Variants in PYCR2 observed in about 807,000 individuals in gnomAD.
PYCR2 encodes the protein P5C reductase 2.
PYCR2 carries 17 observed loss-of-function variants against 23.4 expected under a neutral mutation model. The ratio of observed to expected loss-of-function variants is 0.73; its 90% CI spans 0.50 to 1.09. The LOEUF is 1.09. Among genes scored for constraint, PYCR2 ranks in the 50% least tolerant of loss-of-function variants. The pLI is 0.00. For synonymous variants in PYCR2, 172 were observed against 176.6 expected, an observed-to-expected ratio of 0.97 and a Z score of 0.21; for missense variants, 380 against 423.5, an observed-to-expected ratio of 0.90 and a Z score of 0.90.
intron 2 of PYCR2, 70 bp from the exon 3 acceptor site, chr1:225,922,453 C>A: frequency 6.5e-7 from 1 of 1,528,680 alleles, no homozygotes; most frequent in Non-Finnish European, 8.9e-7. Flanking sequence ...CAGGGAGCAG[C>A]TGAACCCCTG....
At chr1:225,922,419 C>A (rs1671867711) in intron 2 of PYCR2, 36 bp from the exon 3 acceptor site, 1 of 1,586,926 alleles carries the variant, frequency 6.3e-7, no homozygotes. Context: ...AGTGCTGGAG[C>A]AGCCTGGCTA....
Position 225,924,122 on chromosome 1 carries a change from CACGCCTCCTGGG to C in PYCR2, c.-24_-13del. ...AAGCCCACGCTCATGGTCCGCGGTT[CACGCCTCCTGGG>C]AGCCGCACGAACCCCCTCAGCGAGG... On this transcript the variant is annotated 5_prime_UTR_variant, in exon 1 of 7. Transcript: ENST00000343818. 6.5e-7 allele frequency: 1 copy of C among 1,540,852 alleles called. No homozygotes were observed. The highest frequency in any genetic ancestry group is 8.7e-7 in the Non-Finnish European group (1 of 1,145,880).
At chr1:225,922,451 A>AGCT in intron 2 of PYCR2, 68 bp from the exon 3 acceptor site, 1 of 1,539,042 alleles carries the variant, frequency 6.5e-7, no homozygotes, top group Non-Finnish European at 8.8e-7. Flanking sequence ...CCCAGGGAGC[A>AGCT]GCTGAACCCC....
chr1:225,923,906 C>G, intron 1 of PYCR2, 135 bp from the exon 2 acceptor site: 3 of 1,473,326 alleles, frequency 2.0e-6, no homozygotes, highest in Non-Finnish European at 2.8e-6. Context: ...GGACAGAAGA[C>G]GCACTTGCTG....
rs752074984 is a variant in PYCR2, at chr1:225,922,326, G to A, written c.196C>T (p.Leu66=). ...ATATGTGGCTTCACAGCCAGAAACA[G>A]GACGTCGCTGTGCTTCACCGTCTCC... The part of the protein sequence containing the change: ...NKETVKHSDV[L]FLAVKPHIIP... Residue 66 remains leucine, a synonymous_variant, in exon 3 of 7, where the codon CTG becomes TTG. Coordinates refer to ENST00000343818, the MANE Select transcript of PYCR2 (RefSeq NM_013328.4). 4 of 1,614,196 alleles carry A rather than the reference G, an allele frequency of 2.5e-6. 1 individual carries two copies. The highest frequency in any genetic ancestry group is 3.4e-6 in the Non-Finnish European group (4 of 1,180,026).
intron 1 of PYCR2, 76 bp from the exon 2 acceptor site, chr1:225,923,847 G>C: frequency 6.3e-7 from 1 of 1,597,450 alleles, no homozygotes; most frequent in Non-Finnish European, 8.5e-7. Flanking sequence ...CTAAAACCCA[G>C]AGCCGTCCTA....
chr1:225,921,420 A>T lies in PYCR2; in HGVS notation c.634-49T>A. 1 of 1,523,300 alleles carries T rather than the reference A, an allele frequency of 6.6e-7. No homozygotes were observed. The highest frequency in any genetic ancestry group is 9.1e-7 in the Non-Finnish European group (1 of 1,104,402). 94.4% of individuals were successfully genotyped at this position (1,523,300 alleles called of 1,614,324 possible). A position where few individuals can be genotyped will look rare whatever the true frequency, so the allele number is the denominator to read the frequency against. Reference sequence around the variant, plus strand: ...GAAAGTTGCTGGTGTGCGTTGGAACAGGCTTCCCATACCCACTGCTCCTGC... The same window carrying T: ...GAAAGTTGCTGGTGTGCGTTGGAACTGGCTTCCCATACCCACTGCTCCTGC... On this transcript the variant is annotated intron_variant, in intron 5 of 6. Coordinates refer to ENST00000343818, the MANE Select transcript of PYCR2 (RefSeq NM_013328.4). The surrounding 1 kb of genome is among the most constrained non-coding windows in gnomAD (Gnocchi z 4.2).
chr1:225,923,666 T>A, intron 2 of PYCR2, 35 bp downstream of exon 2: 1 of 1,613,404 alleles, frequency 6.2e-7, no homozygotes, highest in South Asian at 1.1e-5. Flanking sequence ...TTCCTGGGCC[T>A]CCACCCGCTT....
chr1:225,920,531 G>C lies in PYCR2; in HGVS notation c.887C>G (p.Thr296Arg). 5.7e-6 allele frequency: 9 copies of C among 1,578,494 alleles called. No individual in the cohort carries two copies. The highest frequency in any genetic ancestry group is 7.8e-6 in the Non-Finnish European group (9 of 1,149,104). Residue 296 changes from threonine (T) to arginine (R), a missense_variant, in exon 7 of 7, where the codon ACA becomes AGA. Physicochemically the swap from Thr to Arg is moderately conservative, Grantham distance 71. Coordinates refer to ENST00000343818, the MANE Select transcript of PYCR2 (RefSeq NM_013328.4). ...GCTGGAGGGGGTCAGTGTGGAGACT[G>C]TGGGGGATTCCAGCTTCACTCTGTC... The part of the protein sequence containing the change: ...LLDRVKLESP[T>R]VSTLTPSSPG...
rs200663855 is a variant in PYCR2 at position 225,921,983 on chromosome 1, T to G, written c.415A>C (p.Thr139Pro). 6.2e-7 allele frequency: 1 copy of G among 1,614,156 alleles called. No homozygotes were observed. Among genetic ancestry groups the G allele is most frequent in the Non-Finnish European group, 8.5e-7 (1 of 1,180,006 alleles). ...TGCCCATCCTCCACCAGGGCATGGGTGCCCGTGGCGTACACTGTAGCGCCT... is the reference window on the plus strand; with the variant it reads ...TGCCCATCCTCCACCAGGGCATGGGGGCCCGTGGCGTACACTGTAGCGCCT... ...QEGATVYATGTHALVEDGQLL... is the reference protein window; with the variant it reads ...QEGATVYATGPHALVEDGQLL... Residue 139 changes from threonine to proline, a missense_variant, in exon 4 of 7, where the codon ACC becomes CCC. Coordinates refer to ENST00000343818, the MANE Select transcript of PYCR2 (RefSeq NM_013328.4). The surrounding 1 kb of genome is among the most constrained non-coding windows in gnomAD (Gnocchi z 4.2).
At position 225,922,003 on chromosome 1, in the gene PYCR2, G is replaced by T; in HGVS notation, c.395C>A (p.Ala132Asp). 3 of 1,614,190 alleles carry T rather than the reference G, an allele frequency of 1.9e-6. No individual in the cohort carries two copies. The highest frequency in any genetic ancestry group is 2.5e-6 in the Non-Finnish European group (3 of 1,180,026). ...TNTPVVVQEG[A>D]TVYATGTHAL... ...ATGGGTGCCCGTGGCGTACACTGTAGCGCCTTCCTGCACTACCACAGGTGT... is the reference window on the plus strand; with the variant it reads ...ATGGGTGCCCGTGGCGTACACTGTATCGCCTTCCTGCACTACCACAGGTGT... Residue 132 changes from alanine (A) to aspartate (D), a missense_variant, in exon 4 of 7, where the codon GCT becomes GAT. By Grantham distance (126) the Ala-to-Asp change is moderately radical. Transcript: ENST00000343818.
chr1:225,924,236 A>C lies in PYCR2; in HGVS notation c.-126T>G. 9.0e-7 allele frequency: 1 copy of C among 1,113,372 alleles called. No homozygotes were observed. Among genetic ancestry groups the C allele is most frequent in the Non-Finnish European group, 1.2e-6 (1 of 802,224 alleles). 69.0% of individuals were successfully genotyped at this position (1,113,372 alleles called of 1,614,324 possible). On this transcript the variant is annotated 5_prime_UTR_variant, in exon 1 of 7. Transcript: ENST00000343818. ...GCGTGCCGAGGACCGGCGAGCTAAC[A>C]GCAGCTTCTGGGATGGTGCAACCCT...
chr1:225,920,265 G>A lies in PYCR2; in HGVS notation c.*190C>T, dbSNP rs1294979382. 1.3e-4 allele frequency: 59 copies of A among 456,046 alleles called. No homozygotes were observed. In the East Asian group the frequency reaches 2.2e-3, roughly 17 times the overall value. 28.2% of individuals were successfully genotyped at this position (456,046 alleles called of 1,614,324 possible). On this transcript the variant is annotated 3_prime_UTR_variant, in exon 7 of 7. Transcript: ENST00000343818. ...GAGCAACTTCCAACATGGGACAGGA[G>A]AGGAAGCTCGCATTGCTTGGTCTGA...
At position 225,920,529 on chromosome 1, in the gene PYCR2, C is replaced by T. The variant is rs1671808053; in HGVS notation, c.889G>A (p.Val297Ile). 2 of 1,574,370 alleles carry T rather than the reference C, an allele frequency of 1.3e-6. No individual in the cohort carries two copies. The highest frequency in any genetic ancestry group is 1.7e-5 in the Admixed American group (1 of 59,214). ...GGGCTGGAGGGGGTCAGTGTGGAGA[C>T]TGTGGGGGATTCCAGCTTCACTCTG... is the stretch of plus-strand genomic sequence containing the variant. Reference protein sequence around the residue: ...LDRVKLESPTVSTLTPSSPGK... With the variant: ...LDRVKLESPTISTLTPSSPGK... The change falls in exon 7 of 7, where the codon GTC (valine) becomes ATC (isoleucine). Residue 297 changes from valine (V) to isoleucine (I), a missense_variant. Val to Ile is a conservative substitution (Grantham distance 29, BLOSUM62 3). Transcript: ENST00000343818.
rs369126806 is a variant in PYCR2 at position 225,921,195 on chromosome 1, G to A, written c.797+13C>T. 3.8e-5 allele frequency: 61 copies of A among 1,609,784 alleles called. No individual in the cohort carries two copies. The highest frequency in any genetic ancestry group is 6.6e-5 in the South Asian group (6 of 90,572). On this transcript the variant is annotated intron_variant, in intron 6 of 6. Coordinates refer to ENST00000343818, the MANE Select transcript of PYCR2 (RefSeq NM_013328.4). The surrounding 1 kb of genome is among the most constrained non-coding windows in gnomAD (Gnocchi z 4.2). ...TGAAGGGTCTGGGACAGAAGTCCGC[G>A]GGATGGACTCACCGTGTTCGGATAC...
chr1:225,921,964 T>C lies in PYCR2; in HGVS notation c.434A>G (p.Asp145Gly), dbSNP rs1404955573. ...CATGAGCTGCTCCAGGAGCTGCCCA[T>C]CCTCCACCAGGGCATGGGTGCCCGT... ...YATGTHALVEDGQLLEQLMSS... is the reference protein window; with the variant it reads ...YATGTHALVEGGQLLEQLMSS... The change falls in exon 4 of 7, where the codon GAT (aspartate) becomes GGT (glycine). Residue 145 changes from aspartate to glycine, a missense_variant. Coordinates refer to ENST00000343818, the MANE Select transcript of PYCR2 (RefSeq NM_013328.4). The surrounding 1 kb of genome is among the most constrained non-coding windows in gnomAD (Gnocchi z 4.2). 6.2e-7 allele frequency: 1 copy of C among 1,614,124 alleles called. No homozygotes were observed. Among genetic ancestry groups the C allele is most frequent in the Non-Finnish European group, 8.5e-7 (1 of 1,180,006 alleles).
At chr1:225,920,673 G>C (rs767083483) in intron 6 of PYCR2, 53 bp from the exon 7 acceptor site, 64 of 1,567,872 alleles carry the variant, frequency 4.1e-5, no homozygotes, top group Non-Finnish European at 5.6e-5. Context: ...CCTGGGGCCA[G>C]AGCTTTGAGT....
rs1671800395 is a variant in PYCR2 at position 225,920,218 on chromosome 1, T to G, written c.*237A>C. On this transcript the variant is annotated 3_prime_UTR_variant, in exon 7 of 7. Transcript: ENST00000343818. ...AGCGTACGCAGGGTTGTGTCTGGCT[T>G]CCAGCATCTACCACCCCTTCAGAGC... 1 of 312,192 alleles carries G rather than the reference T, an allele frequency of 3.2e-6. No individual in the cohort carries two copies. The highest frequency in any genetic ancestry group is 2.2e-5 in the African/African-American group (1 of 45,906). The allele number at this position is 312,192 out of a possible 1,614,324, so 19.3% of individuals were successfully genotyped here.
Position 225,920,410 on chromosome 1 carries a change from G to A in PYCR2, c.*45C>T, listed in dbSNP as rs775724788. On this transcript the variant is annotated 3_prime_UTR_variant, in exon 7 of 7. Transcript: ENST00000343818. ...CAGGGGGGTGGCAGGGGCGGCAGGG[G>A]CTCTCAACTAAGGGCTCTGAATCAC... 34 of 1,131,176 alleles carry A rather than the reference G, an allele frequency of 3.0e-5. No individual in the cohort carries two copies. The highest frequency in any genetic ancestry group is 3.6e-5 in the Non-Finnish European group (30 of 832,390). The allele number at this position is 1,131,176 out of a possible 1,614,324, so 70.1% of individuals were successfully genotyped here.
Sources: allele counts gnomAD v4.1 joint callset, GRCh38; gene constraint gnomAD v4.1.1; non-coding constraint Gnocchi (gnomAD v3.1); transcripts MANE v1.5; gene names NCBI Gene and HGNC (gene_info 2026-07-23, HGNC 2026-07-21).